The following GPATCH2 variants were observed in gnomAD, a reference collection of about 807,000 sequenced individuals.
GPATCH2 encodes G-patch domain containing 2.
GPATCH2 carries 51 observed loss-of-function variants against 58.0 expected under a neutral mutation model. The observed-to-expected ratio is 0.88, with a 90% CI of 0.70 to 1.11. GPATCH2 has a LOEUF of 1.11. GPATCH2 is among the 50% of genes most tolerant of loss of function. The probability of loss-of-function intolerance (pLI) is 0.00; values close to 1 mark genes in which losing one functional copy is unlikely to be tolerated. For synonymous variants in GPATCH2, 222 were observed against 218.5 expected (o/e 1.02, Z -0.14); for missense variants, 625 against 652.2 (o/e 0.96, Z 0.45).
intron 5 of GPATCH2, among the ~76,000 whole-genome samples, chr1:217,536,087 G>A (rs1294045707): frequency 6.6e-6 from 1 of 151,772 alleles, no homozygotes; most frequent in Non-Finnish European, 1.5e-5. Context: ...CTTGTTTTTG[G>A]CTACTGGTGA....
chr1:217,437,507 G>A (rs1658896143), intron 9 of GPATCH2, among the ~76,000 whole-genome samples: 1 of 152,194 alleles, frequency 6.6e-6, no homozygotes, highest in African/African-American at 2.4e-5. Context: ...TGCCAGCACA[G>A]TAGTCTGAAG....
At chr1:217,499,881 CTT>C in intron 6 of GPATCH2, among the ~76,000 whole-genome samples, 1 of 151,956 alleles carries the variant, frequency 6.6e-6, no homozygotes, top group South Asian at 2.1e-4. Flanking sequence ...ACTGTCAACT[CTT>C]TTAGTCTTTT....
intron 5 of GPATCH2, among the ~76,000 whole-genome samples, chr1:217,549,011 C>T (rs566874862): frequency 6.6e-6 from 1 of 152,176 alleles, no homozygotes; most frequent in Non-Finnish European, 1.5e-5. Context: ...AAATAAAAAT[C>T]ACCTGAGAAG....
chr1:217,601,477 A>G (rs1426275377), intron 5 of GPATCH2, among the ~76,000 whole-genome samples: 3 of 152,116 alleles, frequency 2.0e-5, no homozygotes, highest in Non-Finnish European at 4.4e-5. Context: ...CCTGGTAAAC[A>G]AAAGTGCCTT....
At chr1:217,483,677 ATTG>A (rs1661319715) in intron 8 of GPATCH2, among the ~76,000 whole-genome samples, 2 of 152,316 alleles carry the variant, frequency 1.3e-5, no homozygotes, top group African/African-American at 2.4e-5. Context: ...AGCTATTCTA[ATTG>A]TTGTGAGTGA....
At chr1:217,450,891 C>G (rs986936696) in intron 8 of GPATCH2, among the ~76,000 whole-genome samples, 7 of 152,034 alleles carry the variant, frequency 4.6e-5, no homozygotes, top group Non-Finnish European at 1.0e-4. Context: ...AAGACATACT[C>G]TTTTTGTACA....
chr1:217,583,330 G>C (rs1050211080), intron 5 of GPATCH2, among the ~76,000 whole-genome samples: 3 of 152,080 alleles, frequency 2.0e-5, no homozygotes, highest in African/African-American at 7.2e-5. Flanking sequence ...CCAGCACTTT[G>C]GGAGGCTGAG....
chr1:217,467,131 C>A (rs926120769), intron 8 of GPATCH2, among the ~76,000 whole-genome samples: 4 of 152,192 alleles, frequency 2.6e-5, no homozygotes, highest in South Asian at 2.1e-4. Flanking sequence ...GAGCCAAGAT[C>A]ATGCCACTGC....
chr1:217,464,669 G>A (rs1030999615), intron 8 of GPATCH2, among the ~76,000 whole-genome samples: 9 of 152,006 alleles, frequency 5.9e-5, no homozygotes, highest in African/African-American at 1.9e-4. Flanking sequence ...GGAAACAGAC[G>A]GTCTTAATAA....
At chr1:217,626,703 A>G (rs1669478587) in intron 1 of GPATCH2, among the ~76,000 whole-genome samples, 1 of 152,156 alleles carries the variant, frequency 6.6e-6, no homozygotes, top group Non-Finnish European at 1.5e-5. Flanking sequence ...CTATTAAGAG[A>G]CTATGTCTTC....
At chr1:217,545,861 G>A (rs1324833838) in intron 5 of GPATCH2, among the ~76,000 whole-genome samples, 4 of 152,192 alleles carry the variant, frequency 2.6e-5, no homozygotes, top group Non-Finnish European at 5.9e-5. Context: ...TGTATTTGCT[G>A]AGAAAATGGA....
In GPATCH2 at chr1:217,585,538, TGAACCTG is replaced by T. The variant is rs566149677; in HGVS notation, c.1098+24776_1098+24782del. Reference sequence around the variant, plus strand: ...GGTAGGCTGAGGCAGGAGAATCGCTTGAACCTGGGAGGCAGAGGTTGTAGTTAGCCGA... The same window carrying T: ...GGTAGGCTGAGGCAGGAGAATCGCTTGGAGGCAGAGGTTGTAGTTAGCCGA... On this transcript the variant is annotated intron_variant, in intron 5 of 9. Transcript: ENST00000366935. Among the ~76,000 whole-genome samples the T allele has an allele frequency of 2.0e-4, 31 of 152,224 alleles. No homozygotes were observed. In the South Asian group the frequency reaches 6.4e-3, roughly 32 times the overall value.
intron 8 of GPATCH2, among the ~76,000 whole-genome samples, chr1:217,472,864 G>A (rs1660791856): frequency 6.6e-6 from 1 of 152,186 alleles, no homozygotes; most frequent in African/African-American, 2.4e-5. Flanking sequence ...AGAATGTACA[G>A]AGAGAGGAAC....
In GPATCH2 at chr1:217,514,838, C is replaced by A. The variant is rs375258468; in HGVS notation, c.1150G>T (p.Asp384Tyr). 20 of 1,507,762 alleles carry A rather than the reference C, an allele frequency of 1.3e-5. No homozygotes were observed. The highest frequency in any genetic ancestry group is 1.8e-5 in the Non-Finnish European group (19 of 1,083,488). The allele number at this position is 1,507,762 out of a possible 1,614,324, so 93.4% of individuals were successfully genotyped here. The stretch of plus-strand genomic sequence containing the variant: ...AGTACTCACTCATGGTGATGAGAAT[C>A]CGGGGAAAAATGAACCATTCTCTTG... ...GNKRMVHFSPDSHHHDHWFSP... is the reference protein window; with the variant it reads ...GNKRMVHFSPYSHHHDHWFSP... The change falls in exon 6 of 10, where the codon GAT (aspartate) becomes TAT (tyrosine). Residue 384 changes from aspartate to tyrosine, a missense_variant. Asp to Tyr is a radical substitution (Grantham distance 160, BLOSUM62 -3). Transcript: ENST00000366935.
At chr1:217,467,424 A>G (rs1379437633) in intron 8 of GPATCH2, among the ~76,000 whole-genome samples, 2 of 152,214 alleles carry the variant, frequency 1.3e-5, no homozygotes, top group East Asian at 3.8e-4. Context: ...AAATGATTGC[A>G]TATTCCTAGC....
At chr1:217,626,026 C>A (rs533401583) in intron 1 of GPATCH2, among the ~76,000 whole-genome samples, 2 of 152,190 alleles carry the variant, frequency 1.3e-5, no homozygotes, top group South Asian at 4.1e-4. Flanking sequence ...CTGATTATAG[C>A]TATTAGGTAT....
At chr1:217,609,336 C>A (rs1370781596) in intron 5 of GPATCH2, 2 of 985,096 alleles carry the variant, frequency 2.0e-6, no homozygotes, top group Non-Finnish European at 2.4e-6. Flanking sequence ...CAGAATCACA[C>A]AGCATTTGTT....
intron 5 of GPATCH2, among the ~76,000 whole-genome samples, chr1:217,523,622 C>A (rs1196085332): frequency 3.3e-5 from 5 of 151,772 alleles, no homozygotes; most frequent in African/African-American, 9.7e-5. Context: ...TTTTCCCCAC[C>A]TTTCCCCCCT....
At chr1:217,504,322 T>A (rs1662447430) in intron 6 of GPATCH2, among the ~76,000 whole-genome samples, 1 of 152,176 alleles carries the variant, frequency 6.6e-6, no homozygotes, top group Admixed American at 6.5e-5. Flanking sequence ...CCTGTTGAAC[T>A]CACCCTGGCA....
Sources: allele counts gnomAD v4.1 joint callset (sites outside exome capture counted in the v4.1 genomes callset), GRCh38; gene constraint gnomAD v4.1.1; transcripts MANE v1.5; gene names NCBI Gene and HGNC (gene_info 2026-07-23, HGNC 2026-07-21).